Variants in SOX5 observed in about 807,000 individuals in gnomAD.
SOX5 encodes the protein transcription factor SOX-5.
A neutral mutation model predicts 92.0 loss-of-function variants in SOX5; 9 were observed. That is an observed-to-expected ratio of 0.10 (90% CI 0.06 to 0.17). The LOEUF is 0.17. Ranked by LOEUF, SOX5 falls within the 10% of genes least tolerant of loss-of-function variation. The pLI is 1.00. For synonymous variants in SOX5, 344 were observed against 336.3 expected, an observed-to-expected ratio of 1.02 and a Z score of -0.25; for missense variants, 642 against 944.5, an observed-to-expected ratio of 0.68 and a Z score of 4.20.
intron 8 of SOX5, among the ~76,000 whole-genome samples, chr12:23,623,674 T>C (rs914518675): frequency 1.1e-4 from 17 of 152,178 alleles, no homozygotes; most frequent in African/African-American, 3.1e-4. Context: ...AAAAAAGGTA[T>C]AAAATTGACC....
chr12:23,694,333 C>T (rs1432490711), intron 6 of SOX5, among the ~76,000 whole-genome samples: 1 of 152,130 alleles, frequency 6.6e-6, no homozygotes, highest in Non-Finnish European at 1.5e-5. Flanking sequence ...AATATTAACT[C>T]ATTTATTGTC....
intron 4 of SOX5, among the ~76,000 whole-genome samples, chr12:24,114,265 A>G (rs981299335): frequency 1.3e-5 from 2 of 152,180 alleles, no homozygotes; most frequent in Admixed American, 6.5e-5. Context: ...TTTTAAAAAA[A>G]TCTTAAATTA....
rs960306251 is a variant in SOX5 at position 24,526,821 on chromosome 12, CT to C, written c.-251+35507del. ...TTCTTCTTATGAAATTATCATATTT[CT>C]TTTTTTTTTTCTTAAGACAGGGTCT... On this transcript the variant is annotated intron_variant, in intron 1 of 4. Coordinates refer to the SOX5 transcript ENST00000446891. Among the ~76,000 whole-genome samples the C allele has an allele frequency of 2.3e-3, 339 of 148,360 alleles. 1 individual carries two copies. Among genetic ancestry groups the C allele is most frequent in the African/African-American group, 5.4e-3 (218 of 40,686 alleles).
At chr12:23,710,729 G>A (rs1392335402) in intron 6 of SOX5, among the ~76,000 whole-genome samples, 1 of 152,188 alleles carries the variant, frequency 6.6e-6, no homozygotes, top group African/African-American at 2.4e-5. Context: ...ATAGCAGCAT[G>A]ATTTATAATC....
At chr12:23,763,456 T>G (rs1252953051) in intron 3 of SOX5, among the ~76,000 whole-genome samples, 1 of 152,126 alleles carries the variant, frequency 6.6e-6, no homozygotes, top group Non-Finnish European at 1.5e-5. Context: ...CTTGTACCCA[T>G]TTTTATGAAA....
At chr12:23,716,481 G>A (rs1056577071) in intron 6 of SOX5, among the ~76,000 whole-genome samples, 5 of 152,110 alleles carry the variant, frequency 3.3e-5, no homozygotes, top group Non-Finnish European at 7.4e-5. Flanking sequence ...ACTAATTAAA[G>A]CTATGAAGTA....
chr12:24,133,179 G>C (rs1009109207), intron 4 of SOX5, among the ~76,000 whole-genome samples: 1 of 152,188 alleles, frequency 6.6e-6, no homozygotes, highest in Non-Finnish European at 1.5e-5. Context: ...TAAAACTACT[G>C]ATGAGATTCT....
At chr12:24,260,187 ACT>A (rs2140240477) in intron 3 of SOX5, among the ~76,000 whole-genome samples, 1 of 152,338 alleles carries the variant, frequency 6.6e-6, no homozygotes, top group East Asian at 1.9e-4. Flanking sequence ...AAACAGGCAC[ACT>A]GGAGAAGAGC....
intron 2 of SOX5, among the ~76,000 whole-genome samples, chr12:24,350,813 G>A (rs1036168381): frequency 4.6e-5 from 7 of 152,154 alleles, no homozygotes; most frequent in Non-Finnish European, 8.8e-5. Context: ...AGCTTTTTGG[G>A]AGGCCAAGGC....
chr12:23,912,829 G>A (rs1038421768), intron 1 of SOX5, among the ~76,000 whole-genome samples: 1 of 152,084 alleles, frequency 6.6e-6, no homozygotes, highest in East Asian at 1.9e-4. Flanking sequence ...CTAGGGTAGG[G>A]TATGGGGGTG....
intron 6 of SOX5, among the ~76,000 whole-genome samples, chr12:23,668,076 T>C (rs2084123639): frequency 6.6e-6 from 1 of 152,194 alleles, no homozygotes; most frequent in Admixed American, 6.6e-5. Context: ...AGCATAATGC[T>C]TAAGTGCTGT....
chr12:24,487,955 C>A (rs1046890082), intron 1 of SOX5, among the ~76,000 whole-genome samples: 1 of 152,124 alleles, frequency 6.6e-6, no homozygotes, highest in Non-Finnish European at 1.5e-5. Flanking sequence ...GGGTAGAGTT[C>A]TCATCTCTCT....
At chr12:24,057,935 G>A (rs1958294471) in intron 4 of SOX5, among the ~76,000 whole-genome samples, 2 of 152,108 alleles carry the variant, frequency 1.3e-5, no homozygotes, top group African/African-American at 4.8e-5. Flanking sequence ...AATTTTTTGC[G>A]AAGAGAAAAA....
chr12:24,209,262 A>C (rs552767034), intron 4 of SOX5, among the ~76,000 whole-genome samples: 2 of 152,178 alleles, frequency 1.3e-5, no homozygotes, highest in African/African-American at 4.8e-5. Context: ...TGTGGCAGAA[A>C]GTGACAGGAA....
At chr12:23,603,445 A>AATATATATATATATATATAT (rs72370535) in intron 9 of SOX5, among the ~76,000 whole-genome samples, 17 of 124,832 alleles carry the variant, frequency 1.4e-4, no homozygotes, top group Non-Finnish European at 2.4e-4. Context: ...ATATATATAA[A>AATATATATATATATATATAT]ATATATATAT....
intron 4 of SOX5, among the ~76,000 whole-genome samples, chr12:24,085,171 C>T (rs1427319409): frequency 6.6e-6 from 1 of 152,126 alleles, no homozygotes; most frequent in African/African-American, 2.4e-5. Context: ...CCTGACCTTG[C>T]CCAGCAAGCA....
At chr12:23,683,706 T>C (rs976936122) in intron 6 of SOX5, among the ~76,000 whole-genome samples, 1 of 151,946 alleles carries the variant, frequency 6.6e-6, no homozygotes, top group African/African-American at 2.4e-5. Flanking sequence ...TTTCAAAATG[T>C]GAGGAAATAA....
intron 8 of SOX5, among the ~76,000 whole-genome samples, chr12:23,618,256 GGA>G (rs2137996695): frequency 1.3e-5 from 2 of 152,184 alleles, no homozygotes; most frequent in East Asian, 3.9e-4. Context: ...TTGTTCATCA[GGA>G]GAAAAATTTC....
chr12:23,550,935 G>A (rs769464159), intron 11 of SOX5, among the ~76,000 whole-genome samples: 3 of 152,002 alleles, frequency 2.0e-5, no homozygotes, highest in Non-Finnish European at 4.4e-5. Flanking sequence ...AAATTAAACA[G>A]TGCGTGAGTA....
Sources: gnomAD v4.1 joint callset for allele counts (sites outside exome capture counted in the v4.1 genomes callset) on GRCh38, gnomAD v4.1.1 for gene constraint, MANE v1.5 for transcripts, NCBI Gene and HGNC (gene_info 2026-07-23, HGNC 2026-07-21) for gene names.